KNTC1: variants seen among roughly 807,000 people sequenced by gnomAD.
KNTC1 encodes the protein kinetochore-associated protein 1.
Under a neutral mutation model 314.4 loss-of-function variants are expected in KNTC1, and 253 were observed. The ratio of observed to expected loss-of-function variants is 0.80; its 90% CI spans 0.73 to 0.89. The LOEUF (loss-of-function observed/expected upper bound fraction) is 0.89. Among genes scored for constraint, KNTC1 ranks in the 40% least tolerant of loss-of-function variants. KNTC1 has a pLI of 0.00. For synonymous variants in KNTC1, 901 were observed against 901.4 expected, an observed-to-expected ratio of 1.00 and a Z score of 0.01; for missense variants, 2,475 against 2,572.9, an observed-to-expected ratio of 0.96 and a Z score of 0.82.
intron 51 of KNTC1, among the ~76,000 whole-genome samples, chr12:122,606,409 G>A (rs1425093923): frequency 6.6e-6 from 1 of 151,472 alleles, no homozygotes; most frequent in South Asian, 2.1e-4. Flanking sequence ...GTAGAGTTGG[G>A]GTTTCACCAT....
intron 3 of KNTC1, among the ~76,000 whole-genome samples, chr12:122,537,096 G>GT (rs1171728254): frequency 2.0e-5 from 3 of 152,158 alleles, no homozygotes; most frequent in African/African-American, 4.8e-5. Context: ...ACATACTATT[G>GT]TTTTTCTGTC....
At chr12:122,546,108 T>G in intron 8 of KNTC1, 68 bp from the exon 9 acceptor site, 1 of 886,964 alleles carries the variant, frequency 1.1e-6, no homozygotes, top group Non-Finnish European at 1.9e-6. Flanking sequence ...CTTACATGTT[T>G]CTACTTTGAG....
At chr12:122,576,572 T>A (rs1477105762) in intron 29 of KNTC1, among the ~76,000 whole-genome samples, 1 of 151,982 alleles carries the variant, frequency 6.6e-6, no homozygotes, top group Non-Finnish European at 1.5e-5. Flanking sequence ...TCCCAGCTAC[T>A]TGGGAGGCTG....
intron 16 of KNTC1, among the ~76,000 whole-genome samples, chr12:122,555,744 G>T (rs934854737): frequency 6.6e-6 from 1 of 151,854 alleles, no homozygotes; most frequent in Non-Finnish European, 1.5e-5. Context: ...AGCTACTTGG[G>T]ATGTGGAGGC....
At chr12:122,537,316 A>G (rs766163392) in intron 3 of KNTC1, among the ~76,000 whole-genome samples, 3 of 152,118 alleles carry the variant, frequency 2.0e-5, no homozygotes, top group Non-Finnish European at 2.9e-5. Context: ...AAAATGCACC[A>G]TTCTTCTGAG....
chr12:122,575,622 A>G lies in KNTC1; in HGVS notation c.2462A>G (p.Gln821Arg). The G allele has an allele frequency of 6.3e-7, 1 of 1,594,692 alleles. No homozygotes were observed. Residue 821 changes from glutamine to arginine, a missense_variant, in exon 28 of 64, where the codon CAG (glutamine) becomes CGG (arginine). By Grantham distance (43) the Gln-to-Arg change is conservative. Transcript: ENST00000333479. Reference sequence around the variant, plus strand: ...GCAGCTGTGGAGCAACTGGTGAAACAGCACCTGGAAATGGACCATCCCAAG... The same window carrying G: ...GCAGCTGTGGAGCAACTGGTGAAACGGCACCTGGAAATGGACCATCCCAAG... ...WSAAVEQLVKQHLEMDHPKVK... is the reference protein window; with the variant it reads ...WSAAVEQLVKRHLEMDHPKVK...
Position 122,591,285 on chromosome 12 carries a change from T to G in KNTC1, c.4129-52T>G, listed in dbSNP as rs116196094. On this transcript the variant is annotated intron_variant, in intron 41 of 63. Coordinates refer to ENST00000333479, the MANE Select transcript of KNTC1 (RefSeq NM_014708.6). ...GTTGCGTTTCGTCTAAAAGGTGTTA[T>G]AAGAATACATTCTACTTACGATTGA... The G allele has an allele frequency of 2.3e-3, 2,144 of 913,552 alleles. 23 individuals are homozygous for G. The African/African-American group carries it at 0.031, about 13-fold the overall frequency. 56.6% of individuals were successfully genotyped at this position (913,552 alleles called of 1,614,324 possible). A position where few individuals can be genotyped will look rare whatever the true frequency, so the allele number is the denominator to read the frequency against.
chr12:122,586,670 G>T, intron 37 of KNTC1, 31 bp from the exon 38 acceptor site: 1 of 1,224,590 alleles, frequency 8.2e-7, no homozygotes, highest in South Asian at 1.8e-5. Context: ...CATCTATTTA[G>T]TGTTGTTTAA....
At chr12:122,559,314 C>T (rs1370157374) in intron 18 of KNTC1, among the ~76,000 whole-genome samples, 1 of 151,978 alleles carries the variant, frequency 6.6e-6, no homozygotes, top group African/African-American at 2.4e-5. Context: ...CGCTTCCAGC[C>T]TGGCAACGGA....
intron 57 of KNTC1, 64 bp downstream of exon 57, chr12:122,615,590 G>C: frequency 7.2e-7 from 1 of 1,386,742 alleles, no homozygotes; most frequent in Non-Finnish European, 9.7e-7. Flanking sequence ...CCTTGTGACT[G>C]CTGGGGACAC....
chr12:122,551,185 G>A (rs1247605405), intron 13 of KNTC1, 134 bp from the exon 14 acceptor site: 1 of 584,372 alleles, frequency 1.7e-6, no homozygotes, highest in Non-Finnish European at 3.0e-6. Context: ...GTACATAGTA[G>A]GTATTTATGG....
Position 122,569,828 on chromosome 12 carries a change from A to G in KNTC1, c.1860+4A>G. ...AAGGACTGTGCCTGAAGGACAGGTG[A>G]GTTGTCTTCAGTATTTCCACTCTTG... On this transcript the variant is annotated splice_donor_region_variant and intron_variant, in intron 22 of 63. Transcript: ENST00000333479. 1 of 1,599,710 alleles carries G rather than the reference A, an allele frequency of 6.3e-7. No individual in the cohort carries two copies. The highest frequency in any genetic ancestry group is 1.1e-5 in the South Asian group (1 of 87,968).
At position 122,613,103 on chromosome 12, in the gene KNTC1, G is replaced by T. The variant is rs80161612; in HGVS notation, c.5623-9G>T. ...TGTTCAACTCTCCAAACCTCTTTTG[G>T]TTTTTCAGACATTAGGTATGCATCA... On this transcript the variant is annotated splice_polypyrimidine_tract_variant and intron_variant, in intron 53 of 63. Coordinates refer to ENST00000333479, the MANE Select transcript of KNTC1 (RefSeq NM_014708.6). The T allele has an allele frequency of 1.6e-3, 2,453 of 1,569,434 alleles. 30 individuals are homozygous for T. In the African/African-American group the frequency reaches 0.029, roughly 19 times the overall value.
Position 122,624,581 on chromosome 12 carries a change from T to A in KNTC1, c.6516-17T>A. The stretch of plus-strand genomic sequence containing the variant: ...CTGTGCTTGGCCTAACACTTCTTTT[T>A]CTTTTTGATTTTGTAGTTTAGATGA... On this transcript the variant is annotated splice_polypyrimidine_tract_variant and intron_variant, in intron 62 of 63. Transcript: ENST00000333479. 1 of 1,598,460 alleles carries A rather than the reference T, an allele frequency of 6.3e-7. No homozygotes were observed. The highest frequency in any genetic ancestry group is 1.1e-5 in the South Asian group (1 of 90,608).
At chr12:122,614,759 T>C (rs1047408661) in intron 55 of KNTC1, among the ~76,000 whole-genome samples, 6 of 151,906 alleles carry the variant, frequency 3.9e-5, no homozygotes, top group Admixed American at 1.3e-4. Flanking sequence ...CGGCCGCCTG[T>C]AATCCCAGCT....
In KNTC1 at chr12:122,527,312, C is replaced by T. The variant is rs1357719425; in HGVS notation, c.-113C>T. 2 of 192,766 alleles carry T rather than the reference C, an allele frequency of 1.0e-5. No homozygotes were observed. Among genetic ancestry groups the T allele is most frequent in the Non-Finnish European group, 2.2e-5 (2 of 92,506 alleles). 11.9% of individuals were successfully genotyped at this position (192,766 alleles called of 1,614,324 possible). A position where few individuals can be genotyped will look rare whatever the true frequency, so the allele number is the denominator to read the frequency against. On this transcript the variant is annotated 5_prime_UTR_variant, in exon 1 of 64. Transcript: ENST00000333479. ...GGTTGTGTGAGTCAGGAAGAGGGGC[C>T]AGATATCTGAGTGTTCCTCTTTAGT...
In KNTC1 at chr12:122,544,343, A is replaced by C. The variant is rs138005963; in HGVS notation, c.669+74A>C. 2.2e-3 allele frequency: 1,646 copies of C among 735,968 alleles called. 4 individuals carry two copies. The highest frequency in any genetic ancestry group is 3.0e-3 in the Non-Finnish European group (1,292 of 433,186). The allele number at this position is 735,968 out of a possible 1,614,324, so 45.6% of individuals were successfully genotyped here. A position where few individuals can be genotyped will look rare whatever the true frequency, so the allele number is the denominator to read the frequency against. On this transcript the variant is annotated intron_variant, in intron 8 of 63. Coordinates refer to ENST00000333479, the MANE Select transcript of KNTC1 (RefSeq NM_014708.6). ...CAGAAAAATGTTTTTGTTTTGGTTA[A>C]ATTGCAAAATAATTTGTAACATATA...
chr12:122,581,891 G>A (rs1226639862), intron 33 of KNTC1, among the ~76,000 whole-genome samples: 1 of 152,148 alleles, frequency 6.6e-6, no homozygotes, highest in Non-Finnish European at 1.5e-5. Flanking sequence ...TCACAGTGTT[G>A]TGCAGCCATC....
intron 2 of KNTC1, among the ~76,000 whole-genome samples, chr12:122,534,021 C>G (rs766649112): frequency 2.6e-5 from 4 of 152,220 alleles, no homozygotes; most frequent in Non-Finnish European, 5.9e-5. Flanking sequence ...AACCACTAAT[C>G]TGTCCCAGTG....
Sources: gnomAD v4.1 joint callset for allele counts (sites outside exome capture counted in the v4.1 genomes callset) on GRCh38, gnomAD v4.1.1 for gene constraint, MANE v1.5 for transcripts, NCBI Gene and HGNC (gene_info 2026-07-23, HGNC 2026-07-21) for gene names.